ROBO1: variants seen among roughly 807,000 people sequenced by gnomAD.
ROBO1 encodes the protein roundabout homolog 1.
Under a neutral mutation model 195.9 loss-of-function variants are expected in ROBO1, and 149 were observed. The observed-to-expected ratio is 0.76, with a 90% CI of 0.67 to 0.87. The LOEUF is 0.87. ROBO1 is among the 40% of genes least tolerant of loss of function. The probability of loss-of-function intolerance (pLI) is 0.00; values close to 1 mark genes in which losing one functional copy is unlikely to be tolerated. For synonymous variants in ROBO1, 816 were observed against 733.2 expected (o/e 1.11, Z -1.82); for missense variants, 1,933 against 2,068.3 (o/e 0.93, Z 1.27).
intron 2 of ROBO1, among the ~76,000 whole-genome samples, chr3:79,258,349 C>A (rs2108932177): frequency 6.6e-6 from 1 of 152,274 alleles, no homozygotes; most frequent in South Asian, 2.1e-4. Context: ...TACACATTTG[C>A]ATTCTAAAAT....
intron 4 of ROBO1, among the ~76,000 whole-genome samples, chr3:78,890,127 T>C (rs949565419): frequency 6.6e-6 from 1 of 152,098 alleles, no homozygotes; most frequent in African/African-American, 2.4e-5. Flanking sequence ...AGTATAAGAT[T>C]TGTAAGGACA....
chr3:79,745,024 C>T (rs866283036), intron 1 of ROBO1, among the ~76,000 whole-genome samples: 20 of 152,200 alleles, frequency 1.3e-4, no homozygotes, highest in South Asian at 2.1e-4. Flanking sequence ...TTCAAACCTT[C>T]TATTTCAGCC....
At chr3:78,646,322 A>G (rs1037912536) in intron 20 of ROBO1, 132 bp from the exon 21 acceptor site, 3 of 642,586 alleles carry the variant, frequency 4.7e-6, no homozygotes, top group South Asian at 2.3e-5. Flanking sequence ...CAAAAATCAC[A>G]TGACGTAACA....
At chr3:79,698,345 T>A (rs1947506978) in intron 1 of ROBO1, among the ~76,000 whole-genome samples, 1 of 151,470 alleles carries the variant, frequency 6.6e-6, no homozygotes, top group African/African-American at 2.4e-5. Context: ...TCATTCTACC[T>A]TTATTATTGG....
At chr3:78,680,263 T>C (rs1203472428) in intron 10 of ROBO1, among the ~76,000 whole-genome samples, 7 of 152,292 alleles carry the variant, frequency 4.6e-5, no homozygotes, top group Admixed American at 2.0e-4. Context: ...ATTCAGGACA[T>C]AGGCATGGGC....
chr3:79,220,979 AC>A (rs1351210210), intron 2 of ROBO1, among the ~76,000 whole-genome samples: 2 of 151,880 alleles, frequency 1.3e-5, no homozygotes, highest in Non-Finnish European at 2.9e-5. Flanking sequence ...CACAACCTTA[AC>A]CCTGTAGTGA....
intron 2 of ROBO1, among the ~76,000 whole-genome samples, chr3:79,551,097 C>T (rs1942492218): frequency 6.6e-6 from 1 of 152,054 alleles, no homozygotes; most frequent in South Asian, 2.1e-4. Flanking sequence ...GGCTCTTCAG[C>T]CTCCAAAACC....
chr3:79,704,880 T>C (rs559636494), intron 1 of ROBO1, among the ~76,000 whole-genome samples: 32 of 152,104 alleles, frequency 2.1e-4, no homozygotes, highest in Admixed American at 2.1e-3. Flanking sequence ...TTCAACCATA[T>C]GAATGGGTGT....
chr3:79,265,621 CAG>C (rs1314003310), intron 2 of ROBO1, among the ~76,000 whole-genome samples: 1 of 151,276 alleles, frequency 6.6e-6, no homozygotes, highest in Non-Finnish European at 1.5e-5. Flanking sequence ...GAAGAGCTTT[CAG>C]AGTTAGTCAC....
rs1400207008 is a variant in ROBO1, at chr3:78,639,844, C to T, written c.2937G>A (p.Thr979=). 8.7e-6 allele frequency: 14 copies of T among 1,612,602 alleles called. No individual in the cohort carries two copies. The highest frequency in any genetic ancestry group is 1.2e-5 in the Non-Finnish European group (14 of 1,179,272). ...TGTGGTTGTTGCCAGTATTAGGCCA[C>T]GTGTCTGCCAGCCATGGCTGCGCGG... ...EPAAQPWLAD[T]WPNTGNNHND... Residue 979 remains threonine (T), a synonymous_variant, in exon 22 of 31, where the codon ACG becomes ACA. Transcript: ENST00000464233.
chr3:79,074,398 T>A (rs1371221678), intron 3 of ROBO1, among the ~76,000 whole-genome samples: 2 of 151,950 alleles, frequency 1.3e-5, no homozygotes, highest in Non-Finnish European at 2.9e-5. Context: ...TTTATCAAGT[T>A]CAAACACATG....
intron 1 of ROBO1, among the ~76,000 whole-genome samples, chr3:79,653,236 AT>A (rs2106763256): frequency 6.6e-6 from 1 of 151,978 alleles, no homozygotes; most frequent in South Asian, 2.1e-4. Flanking sequence ...TCATGAAAAA[AT>A]AAATGAGAAA....
intron 30 of ROBO1, among the ~76,000 whole-genome samples, chr3:78,599,838 A>G (rs987823468): frequency 6.6e-6 from 1 of 152,258 alleles, no homozygotes; most frequent in Admixed American, 6.5e-5. Flanking sequence ...TTACTTCTTA[A>G]CAATGTGTTT....
intron 3 of ROBO1, among the ~76,000 whole-genome samples, chr3:79,006,504 A>C (rs999194691): frequency 2.0e-5 from 3 of 152,142 alleles, no homozygotes; most frequent in African/African-American, 7.2e-5. Flanking sequence ...TATTTGGTGC[A>C]AGCGCTTATT....
At chr3:79,643,708 C>A (rs1945734103) in intron 1 of ROBO1, among the ~76,000 whole-genome samples, 1 of 151,532 alleles carries the variant, frequency 6.6e-6, no homozygotes, top group African/African-American at 2.4e-5. Context: ...ATGGTAACCA[C>A]AATACAAAAA....
chr3:79,347,053 T>TA (rs935551324), intron 2 of ROBO1, among the ~76,000 whole-genome samples: 5 of 152,054 alleles, frequency 3.3e-5, no homozygotes, highest in Admixed American at 6.6e-5. Flanking sequence ...TAGTTACTTA[T>TA]AAAAAAATTG....
At chr3:79,606,326 C>G (rs1944483612) in intron 1 of ROBO1, among the ~76,000 whole-genome samples, 3 of 152,092 alleles carry the variant, frequency 2.0e-5, no homozygotes, top group Admixed American at 1.3e-4. Context: ...CTCTTTCAAG[C>G]AACGTGACTC....
At chr3:79,356,816 A>G (rs2035571899) in intron 2 of ROBO1, among the ~76,000 whole-genome samples, 1 of 152,186 alleles carries the variant, frequency 6.6e-6, no homozygotes, top group East Asian at 1.9e-4. Context: ...CAGGGCATTC[A>G]GGGCAGGTTC....
At chr3:79,086,529 T>C (rs1390139858) in intron 3 of ROBO1, among the ~76,000 whole-genome samples, 1 of 152,132 alleles carries the variant, frequency 6.6e-6, no homozygotes, top group East Asian at 1.9e-4. Context: ...TATCACATTA[T>C]CTATAAGAAT....
Sources: gnomAD v4.1 joint callset for allele counts (sites outside exome capture counted in the v4.1 genomes callset) on GRCh38, gnomAD v4.1.1 for gene constraint, MANE v1.5 for transcripts, NCBI Gene and HGNC (gene_info 2026-07-23, HGNC 2026-07-21) for gene names.